SYCP2L: variants seen among roughly 807,000 people sequenced by gnomAD.
SYCP2L encodes the protein synaptonemal complex protein 2-like.
Under a neutral mutation model 125.8 loss-of-function variants are expected in SYCP2L, and 98 were observed. That is an observed-to-expected ratio of 0.78 (90% CI 0.66 to 0.92). SYCP2L has a LOEUF of 0.92. SYCP2L is among the 40% of genes least tolerant of loss of function. SYCP2L has a pLI of 0.00. For missense variants in SYCP2L, 842 were observed against 936.4 expected (o/e 0.90, Z 1.32); for synonymous variants, 317 against 325.4 (o/e 0.97, Z 0.28).
Position 10,924,515 on chromosome 6 carries a change from A to G in SYCP2L, c.1092A>G (p.Ile364Met), listed in dbSNP as rs752428779. Residue 364 changes from isoleucine (I) to methionine (M), a missense_variant, in exon 15 of 30, where the codon ATA becomes ATG. By Grantham distance (10) the Ile-to-Met change is conservative. Transcript: ENST00000283141. ...TCTTAGAAACGGAGAAGATAAAGAT[A>G]TTTATCATTTACCTGAAGAAGCCCA... Reference protein sequence around the residue: ...FSITETEKIKIFIIYLKKPMI... With the variant: ...FSITETEKIKMFIIYLKKPMI... 3.2e-6 allele frequency: 5 copies of G among 1,586,784 alleles called. No homozygotes were observed. The highest frequency in any genetic ancestry group is 4.3e-6 in the Non-Finnish European group (5 of 1,171,878).
At position 10,912,728 on chromosome 6, in the gene SYCP2L, G is replaced by C. The variant is rs1329753504; in HGVS notation, c.974G>C (p.Gly325Ala). 1.2e-6 allele frequency: 2 copies of C among 1,613,822 alleles called. No homozygotes were observed. Among genetic ancestry groups the C allele is most frequent in the East Asian group, 2.2e-5 (1 of 44,854 alleles). The change falls in exon 13 of 30, where the codon GGA becomes GCA. Residue 325 changes from glycine (G) to alanine (A), a missense_variant. Coordinates refer to ENST00000283141, the MANE Select transcript of SYCP2L (RefSeq NM_001040274.3). This position sits in a 1 kb window ranked among gnomAD's most constrained non-coding sequence, Gnocchi z 4.1. Reference protein sequence around the residue: ...LEKFWIDFNLGSQSVTFYIDN... With the variant: ...LEKFWIDFNLASQSVTFYIDN... ...AAATTTTGGATCGACTTCAACCTAG[G>C]AAGTCAGAGTGTCACTTTTTATATA...
chr6:10,944,903 G>A (rs1463213090), intron 23 of SYCP2L, among the ~76,000 whole-genome samples: 5 of 152,012 alleles, frequency 3.3e-5, no homozygotes, highest in Non-Finnish European at 7.4e-5. Flanking sequence ...TAGTAGCAAC[G>A]GGGTTTCGCC....
intron 14 of SYCP2L, among the ~76,000 whole-genome samples, chr6:10,921,399 A>C (rs1374067803): frequency 6.6e-6 from 1 of 152,194 alleles, no homozygotes; most frequent in Non-Finnish European, 1.5e-5. Context: ...TATACCCAGT[A>C]ATGGGATTGC....
chr6:10,952,583 A>AG (rs988181945), intron 23 of SYCP2L, among the ~76,000 whole-genome samples: 1 of 25,890 alleles, frequency 3.9e-5, no homozygotes, highest in African/African-American at 7.0e-5. Flanking sequence ...TTTGCCACCA[A>AG]GAAAAAAAAA....
At chr6:10,965,931 G>A (rs544281827) in intron 29 of SYCP2L, among the ~76,000 whole-genome samples, 13 of 152,200 alleles carry the variant, frequency 8.5e-5, no homozygotes, top group African/African-American at 2.4e-4. Flanking sequence ...TGGCCAACAC[G>A]GTAAAACCTC....
intron 25 of SYCP2L, 115 bp from the exon 26 acceptor site, chr6:10,958,669 C>T (rs2113410859): frequency 4.2e-6 from 4 of 954,646 alleles, no homozygotes; most frequent in Middle Eastern, 3.1e-4. Flanking sequence ...GCTTAGCACT[C>T]ACATTTGCTA....
At chr6:10,966,805 C>T (rs1420970161) in intron 29 of SYCP2L, among the ~76,000 whole-genome samples, 1 of 152,132 alleles carries the variant, frequency 6.6e-6, no homozygotes, top group Non-Finnish European at 1.5e-5. Context: ...AACAAACTTC[C>T]ACTTCAGACT....
At chr6:10,941,777 C>T (rs1781224958) in intron 21 of SYCP2L, among the ~76,000 whole-genome samples, 2 of 152,110 alleles carry the variant, frequency 1.3e-5, no homozygotes, top group South Asian at 4.1e-4. Context: ...CTAGAAATAC[C>T]ATTTGACCCA....
intron 4 of SYCP2L, among the ~76,000 whole-genome samples, chr6:10,894,729 A>G (rs1939422734): frequency 6.6e-6 from 1 of 152,216 alleles, no homozygotes; most frequent in African/African-American, 2.4e-5. Flanking sequence ...AAGAGATAAC[A>G]TGGCGAGTGC....
At chr6:10,936,802 C>G (rs1337526848) in intron 21 of SYCP2L, among the ~76,000 whole-genome samples, 3 of 152,094 alleles carry the variant, frequency 2.0e-5, no homozygotes, top group African/African-American at 7.2e-5. Context: ...GTGGTTATAC[C>G]TACATCAGGC....
intron 14 of SYCP2L, among the ~76,000 whole-genome samples, chr6:10,920,931 G>A (rs1464783472): frequency 1.3e-5 from 2 of 152,036 alleles, no homozygotes; most frequent in Non-Finnish European, 2.9e-5. Flanking sequence ...AGGTACATGT[G>A]CAGGATGTAC....
rs775349698 is a variant in SYCP2L at position 10,898,113 on chromosome 6, T to G, written c.439T>G (p.Leu147Val). 1.9e-6 allele frequency: 3 copies of G among 1,608,802 alleles called. No individual in the cohort carries two copies. Among genetic ancestry groups the G allele is most frequent in the Non-Finnish European group, 2.6e-6 (3 of 1,175,138 alleles). ...CVIEDFFDTALIISRSSSEGK... is the reference protein window; with the variant it reads ...CVIEDFFDTAVIISRSSSEGK... ...TATAGAAGATTTCTTTGACACTGCA[T>G]TGGTAAGGATGGGATGGATGCTTCA... The change falls in exon 5 of 30, where the codon TTG (leucine) becomes GTG (valine). Residue 147 changes from leucine to valine, a missense_variant and splice_region_variant. By Grantham distance (32) the Leu-to-Val change is conservative. Coordinates refer to ENST00000283141, the MANE Select transcript of SYCP2L (RefSeq NM_001040274.3).
At chr6:10,898,190 C>A in intron 5 of SYCP2L, 75 bp downstream of exon 5, 1 of 1,134,774 alleles carries the variant, frequency 8.8e-7, no homozygotes, top group Non-Finnish European at 1.3e-6. Context: ...ATTTATAAAA[C>A]ATGGTTTTCT....
In SYCP2L at chr6:10,963,829, G is replaced by A. The variant is rs1329066909; in HGVS notation, c.*23G>A. The stretch of plus-strand genomic sequence containing the variant: ...TAAGAAAGCCAAAGCCTGGTTTTAT[G>A]ATTGCAGCCCTCAGGTAGGTGCAAA... On this transcript the variant is annotated 3_prime_UTR_variant, in exon 29 of 30. Transcript: ENST00000283141. 6.2e-7 allele frequency: 1 copy of A among 1,613,848 alleles called. No homozygotes were observed.
At position 10,954,878 on chromosome 6, in the gene SYCP2L, CAG is replaced by C. The variant is rs1018574151; in HGVS notation, c.1955-235_1955-234del. ...TGCCTAGTGAGGGGTCTGTGCTAAGCAGAGTGTTCCTAAATGTAACTGAGCTC... is the reference window on the plus strand; with the variant it reads ...TGCCTAGTGAGGGGTCTGTGCTAAGCAGTGTTCCTAAATGTAACTGAGCTC... On this transcript the variant is annotated intron_variant, in intron 23 of 29. Transcript: ENST00000283141. This position sits in a 1 kb window ranked among gnomAD's most constrained non-coding sequence, Gnocchi z 4.8. Among the ~76,000 whole-genome samples, 6 of 152,182 alleles carry C rather than the reference CAG, an allele frequency of 3.9e-5. No homozygotes were observed. Among genetic ancestry groups the C allele is most frequent in the Admixed American group, 3.9e-4 (6 of 15,270 alleles).
chr6:10,907,892 G>GTTGTTTTTTTTTT (rs1780526518), intron 10 of SYCP2L, among the ~76,000 whole-genome samples: 1 of 91,922 alleles, frequency 1.1e-5, no homozygotes, highest in Non-Finnish European at 2.0e-5. Flanking sequence ...ATACAGATAG[G>GTTGTTTTTTTTTT]TTTTTTTTTT....
intron 29 of SYCP2L, among the ~76,000 whole-genome samples, chr6:10,967,189 ACAT>A (rs1324333820): frequency 3.9e-5 from 6 of 152,186 alleles, no homozygotes; most frequent in African/African-American, 1.4e-4. Flanking sequence ...TATAAAAAAT[ACAT>A]CAGGTCCTGA....
At chr6:10,972,051 C>T (rs548560753) in intron 29 of SYCP2L, among the ~76,000 whole-genome samples, 11 of 152,222 alleles carry the variant, frequency 7.2e-5, no homozygotes, top group South Asian at 2.1e-4. Context: ...AAATAGGACT[C>T]GCCTCTTAGC....
intron 29 of SYCP2L, 107 bp downstream of exon 29, chr6:10,963,950 G>T (rs117503704): frequency 1.3e-6 from 1 of 795,254 alleles, no homozygotes; most frequent in Non-Finnish European, 1.9e-6. Context: ...TTTCTGCAGC[G>T]GAACTTCTCC....
Sources: allele counts gnomAD v4.1 joint callset (sites outside exome capture counted in the v4.1 genomes callset), GRCh38; gene constraint gnomAD v4.1.1; non-coding constraint Gnocchi (gnomAD v3.1); transcripts MANE v1.5; gene names NCBI Gene and HGNC (gene_info 2026-07-23, HGNC 2026-07-21).